Variants in KIF1B observed in about 807,000 individuals in gnomAD.
The protein encoded by KIF1B is kinesin-like protein KIF1B.
Under a neutral mutation model 241.9 loss-of-function variants are expected in KIF1B, and 76 were observed. The ratio of observed to expected loss-of-function variants is 0.31; its 90% CI spans 0.26 to 0.38. KIF1B has a LOEUF of 0.38. Ranked by LOEUF, KIF1B falls within the 10% of genes least tolerant of loss-of-function variation. The pLI, the probability that KIF1B is intolerant of heterozygous loss-of-function variation, is 1.00. For missense variants in KIF1B, 1,622 were observed against 2,271.4 expected (o/e 0.71, Z 5.81); for synonymous variants, 750 against 796.7 (o/e 0.94, Z 0.99).
At chr1:10,287,585 C>A (rs1649778427) in intron 15 of KIF1B, among the ~76,000 whole-genome samples, 1 of 152,120 alleles carries the variant, frequency 6.6e-6, no homozygotes, top group South Asian at 2.1e-4. Flanking sequence ...CTAAAAATTG[C>A]AGCTGAAAAC....
At chr1:10,375,211 T>G in intron 47 of KIF1B, 44 bp from the exon 48 acceptor site, 1 of 1,548,272 alleles carries the variant, frequency 6.5e-7, no homozygotes, top group Non-Finnish European at 8.9e-7. Context: ...TCCCCATTGC[T>G]GTCTCTGTAG....
chr1:10,257,213 C>G (rs1647841393), intron 3 of KIF1B, among the ~76,000 whole-genome samples: 1 of 151,310 alleles, frequency 6.6e-6, no homozygotes. Flanking sequence ...AAGGAGTGAG[C>G]CACCGTGCCT....
intron 22 of KIF1B, among the ~76,000 whole-genome samples, chr1:10,314,975 A>G (rs1295419714): frequency 6.6e-6 from 1 of 151,084 alleles, no homozygotes; most frequent in Non-Finnish European, 1.5e-5. Flanking sequence ...TGCTATAATA[A>G]TTCCATGTAA....
chr1:10,280,338 G>A (rs564298240), intron 14 of KIF1B, among the ~76,000 whole-genome samples: 38 of 151,992 alleles, frequency 2.5e-4, no homozygotes, highest in Non-Finnish European at 7.4e-5. Context: ...GGGTTCAAGC[G>A]ATTTCTCCTG....
chr1:10,327,692 T>C (rs556593962), intron 27 of KIF1B, among the ~76,000 whole-genome samples: 3 of 152,246 alleles, frequency 2.0e-5, no homozygotes, highest in Non-Finnish European at 2.9e-5. Flanking sequence ...CATGCTGAGG[T>C]AATTTAAATT....
At chr1:10,240,181 C>T (rs1222147875) in intron 2 of KIF1B, among the ~76,000 whole-genome samples, 3 of 151,986 alleles carry the variant, frequency 2.0e-5, no homozygotes, top group Admixed American at 6.6e-5. Context: ...GGATTATAGG[C>T]GTGAGCCACC....
intron 15 of KIF1B, among the ~76,000 whole-genome samples, chr1:10,287,152 C>G (rs1377981487): frequency 6.6e-6 from 1 of 152,140 alleles, no homozygotes; most frequent in African/African-American, 2.4e-5. Context: ...CCTATTGATC[C>G]TGTTTTATTT....
At chr1:10,336,627 A>G in intron 28 of KIF1B, 30 bp from the exon 29 acceptor site, 1 of 1,578,236 alleles carries the variant, frequency 6.3e-7, no homozygotes, top group East Asian at 2.2e-5. Context: ...AGTCTCACTC[A>G]ATTCTTGCTA....
intron 41 of KIF1B, among the ~76,000 whole-genome samples, chr1:10,364,095 G>T (rs1352370952): frequency 2.0e-5 from 3 of 151,846 alleles, no homozygotes; most frequent in African/African-American, 7.3e-5. Context: ...AATAATAGAG[G>T]CTAAAGTTCT....
At chr1:10,355,243 T>G (rs1258030031) in intron 38 of KIF1B, 2 of 152,406 alleles carry the variant, frequency 1.3e-5, no homozygotes, top group Non-Finnish European at 2.9e-5. Context: ...TAATTGTCTG[T>G]CCACTTGAAT....
chr1:10,324,733 A>G (rs910126509), intron 25 of KIF1B, 25 bp from the exon 26 acceptor site: 1 of 1,613,298 alleles, frequency 6.2e-7, no homozygotes, highest in Non-Finnish European at 8.5e-7. Flanking sequence ...ATATTAACCC[A>G]ATGTGCTTTG....
chr1:10,278,910 C>T, intron 13 of KIF1B, 187 bp from the exon 14 acceptor site: 1 of 494,652 alleles, frequency 2.0e-6, no homozygotes. Context: ...AAGGCCTCTT[C>T]TAGTTTAATT....
chr1:10,325,983 C>T, intron 26 of KIF1B, 128 bp from the exon 27 acceptor site: 1 of 1,266,100 alleles, frequency 7.9e-7, no homozygotes, highest in Non-Finnish European at 1.1e-6. Flanking sequence ...TATCCTTTTG[C>T]TTTTCCATTT....
intron 43 of KIF1B, 90 bp from the exon 44 acceptor site, chr1:10,368,377 C>T (rs1415293788): frequency 8.6e-6 from 9 of 1,048,186 alleles, no homozygotes; most frequent in Non-Finnish European, 1.2e-5. Context: ...GGAACTCAGC[C>T]CTTCAGGAGC....
chr1:10,279,240 G>T, intron 14 of KIF1B, 102 bp downstream of exon 14: 1 of 736,956 alleles, frequency 1.4e-6, no homozygotes, highest in Non-Finnish European at 2.3e-6. Flanking sequence ...AATCCTTACA[G>T]GGAAATCCCA....
At chr1:10,282,759 G>A (rs892889675) in intron 15 of KIF1B, among the ~76,000 whole-genome samples, 1 of 151,468 alleles carries the variant, frequency 6.6e-6, no homozygotes, top group Non-Finnish European at 1.5e-5. Flanking sequence ...GCAGTTCATA[G>A]GCTGGCAAGG....
intron 40 of KIF1B, among the ~76,000 whole-genome samples, chr1:10,362,229 C>T (rs1318093021): frequency 6.6e-6 from 1 of 152,070 alleles, no homozygotes; most frequent in Non-Finnish European, 1.5e-5. Flanking sequence ...TCTGTAATCC[C>T]AGCACGTTGG....
rs567577529 is a variant in KIF1B at position 10,354,888 on chromosome 1, G to T, written c.4055+2152G>T. ...AGAACTTTCGTTCTGTTTGTCTAAG[G>T]TTTAATGTTTAAAGTTGAACTTACC... On this transcript the variant is annotated intron_variant, in intron 38 of 48. Coordinates refer to ENST00000676179, the MANE Select transcript of KIF1B (RefSeq NM_001365951.3). Among the ~76,000 whole-genome samples, 50 of 152,304 alleles carry T rather than the reference G, an allele frequency of 3.3e-4. 1 individual carries two copies. The South Asian group carries it at 6.4e-3, about 20-fold the overall frequency.
At chr1:10,271,952 A>G (rs1038809310) in intron 8 of KIF1B, among the ~76,000 whole-genome samples, 3 of 152,238 alleles carry the variant, frequency 2.0e-5, no homozygotes, top group Non-Finnish European at 4.4e-5. Context: ...CAAGATTCAG[A>G]TGTGAGAACA....
Sources: gnomAD v4.1 joint callset for allele counts (sites outside exome capture counted in the v4.1 genomes callset) on GRCh38, gnomAD v4.1.1 for gene constraint, MANE v1.5 for transcripts, NCBI Gene and HGNC (gene_info 2026-07-23, HGNC 2026-07-21) for gene names.